The following TAFA4 variants were observed in gnomAD, a reference collection of about 807,000 sequenced individuals.
TAFA4 encodes chemokine-like protein TAFA-4.
In TAFA4, 20 loss-of-function variants were observed where a neutral mutation model predicts 21.1. The ratio of observed to expected loss-of-function variants is 0.95; its 90% CI spans 0.67 to 1.38. The LOEUF (loss-of-function observed/expected upper bound fraction) is 1.38. Among genes scored for constraint, TAFA4 ranks in the 40% most tolerant of loss-of-function variants. The pLI is 0.00. For missense variants in TAFA4, 211 were observed against 180.9 expected (o/e 1.17, Z -0.95); for synonymous variants, 71 against 67.4 (o/e 1.05, Z -0.26).
chr3:68,829,856 A>G (rs372897540), intron 3 of TAFA4, among the ~76,000 whole-genome samples: 5 of 152,224 alleles, frequency 3.3e-5, no homozygotes, highest in African/African-American at 1.2e-4. Flanking sequence ...TTATTGCCTC[A>G]ATTTCAGAGC....
At chr3:68,815,007 C>T (rs1271333427) in intron 3 of TAFA4, among the ~76,000 whole-genome samples, 1 of 152,090 alleles carries the variant, frequency 6.6e-6, no homozygotes, top group Non-Finnish European at 1.5e-5. Context: ...AAAAATAATG[C>T]CACATATCTA....
intron 3 of TAFA4, among the ~76,000 whole-genome samples, chr3:68,807,107 C>T (rs1450307914): frequency 6.6e-6 from 1 of 152,170 alleles, no homozygotes; most frequent in Non-Finnish European, 1.5e-5. Context: ...TGCAATCCTG[C>T]CCCTTGTTTG....
At chr3:68,787,281 C>A (rs1030212153) in intron 3 of TAFA4, among the ~76,000 whole-genome samples, 3 of 152,066 alleles carry the variant, frequency 2.0e-5, no homozygotes, top group Non-Finnish European at 4.4e-5. Context: ...ACAAACTAAC[C>A]CCCTACACTC....
chr3:68,929,552 C>A (rs1300584182), intron 1 of TAFA4, among the ~76,000 whole-genome samples: 2 of 152,212 alleles, frequency 1.3e-5, no homozygotes, highest in Non-Finnish European at 2.9e-5. Flanking sequence ...CTCAAATTAG[C>A]CCATCACCTA....
rs556123708 is a variant in TAFA4 at position 68,812,836 on chromosome 3, C to T, written c.131-59818G>A. ...TGCACCAAGCAGACCTAATAGACGT[C>T]TACAGAACTCTCCACCCCAAATCAA... On this transcript the variant is annotated intron_variant, in intron 3 of 5. Coordinates refer to ENST00000295569, the MANE Select transcript of TAFA4 (RefSeq NM_182522.5). Among the ~76,000 whole-genome samples, 667 of 152,310 alleles carry T rather than the reference C, an allele frequency of 4.4e-3. 4 individuals are homozygous for T. Among genetic ancestry groups the T allele is most frequent in the Middle Eastern group, 0.014 (4 of 294 alleles).
intron 3 of TAFA4, among the ~76,000 whole-genome samples, chr3:68,762,905 G>A (rs1393259200): frequency 6.6e-6 from 1 of 152,232 alleles, no homozygotes; most frequent in African/African-American, 2.4e-5. Flanking sequence ...GGGTGTGGTG[G>A]CACATGCCTG....
chr3:68,785,303 C>T (rs1287235009), intron 3 of TAFA4, among the ~76,000 whole-genome samples: 1 of 152,248 alleles, frequency 6.6e-6, no homozygotes, highest in Non-Finnish European at 1.5e-5. Context: ...AGTCCCGCAC[C>T]ATGCGCCCAC....
chr3:68,800,556 T>C (rs1205659198), intron 3 of TAFA4, among the ~76,000 whole-genome samples: 1 of 152,182 alleles, frequency 6.6e-6, no homozygotes, highest in Non-Finnish European at 1.5e-5. Context: ...ATTTTGCTTA[T>C]GAAGGAAACT....
intron 3 of TAFA4, among the ~76,000 whole-genome samples, chr3:68,831,286 T>A (rs779585412): frequency 6.6e-6 from 1 of 151,074 alleles, no homozygotes; most frequent in Admixed American, 6.6e-5. Context: ...ACAGTGTCGA[T>A]GGTCTTTACT....
chr3:68,882,896 T>C (rs2089633687), intron 2 of TAFA4: 1 of 152,248 alleles, frequency 6.6e-6, no homozygotes, highest in Non-Finnish European at 1.5e-5. Context: ...AGAGGCTCCA[T>C]GTTTCTGTGT....
rs1703731777 is a variant in TAFA4, at chr3:68,807,608, A to G, written c.131-54590T>C. On this transcript the variant is annotated intron_variant, in intron 3 of 5. Transcript: ENST00000295569. ...CATAGGCAAAAACACACTTGTAATT[A>G]TAAGAGCTTAGATCCTGACTTGACT... is the stretch of plus-strand genomic sequence containing the variant. 3.3e-5 allele frequency among the ~76,000 whole-genome samples: 5 copies of G among 152,218 alleles called. No individual in the cohort carries two copies. In the South Asian group the frequency reaches 1.0e-3, roughly 31 times the overall value.
intron 3 of TAFA4, among the ~76,000 whole-genome samples, chr3:68,778,239 A>G (rs1021953981): frequency 3.3e-5 from 5 of 152,206 alleles, no homozygotes; most frequent in African/African-American, 1.2e-4. Context: ...GTAACTTTGA[A>G]TGGCTACATT....
At chr3:68,807,762 T>G (rs1396448203) in intron 3 of TAFA4, among the ~76,000 whole-genome samples, 1 of 152,226 alleles carries the variant, frequency 6.6e-6, no homozygotes, top group Non-Finnish European at 1.5e-5. Flanking sequence ...CACCATTTCA[T>G]GTAGCTGCAT....
intron 3 of TAFA4, among the ~76,000 whole-genome samples, chr3:68,845,327 C>T (rs1343785420): frequency 6.6e-6 from 1 of 152,024 alleles, no homozygotes; most frequent in African/African-American, 2.4e-5. Context: ...ACTAGTATTG[C>T]AACCCCTACT....
chr3:68,887,423 A>C (rs1184097005), intron 1 of TAFA4, among the ~76,000 whole-genome samples: 1 of 151,884 alleles, frequency 6.6e-6, no homozygotes. Flanking sequence ...CCCAGGCTGG[A>C]GTTGTACACC....
intron 3 of TAFA4, among the ~76,000 whole-genome samples, chr3:68,841,759 A>G (rs1704671857): frequency 6.6e-6 from 1 of 150,630 alleles, no homozygotes; most frequent in South Asian, 2.1e-4. Flanking sequence ...GTGTGTTCTC[A>G]TTGTTCAACT....
intron 3 of TAFA4, among the ~76,000 whole-genome samples, chr3:68,799,515 C>G (rs1438263245): frequency 6.6e-6 from 1 of 152,146 alleles, no homozygotes; most frequent in Non-Finnish European, 1.5e-5. Flanking sequence ...GACCATAGCA[C>G]CTGGTAAAAG....
intron 3 of TAFA4, among the ~76,000 whole-genome samples, chr3:68,830,985 G>T (rs1704372732): frequency 6.6e-6 from 1 of 152,114 alleles, no homozygotes; most frequent in African/African-American, 2.4e-5. Context: ...TTTATAGTCT[G>T]TTTTATCAGA....
chr3:68,855,072 G>C (rs1253677038), intron 3 of TAFA4, among the ~76,000 whole-genome samples: 1 of 152,114 alleles, frequency 6.6e-6, no homozygotes, highest in African/African-American at 2.4e-5. Context: ...AGTAACAAAT[G>C]ACTGTATGAA....
Sources: allele counts gnomAD v4.1 joint callset (sites outside exome capture counted in the v4.1 genomes callset), GRCh38; gene constraint gnomAD v4.1.1; transcripts MANE v1.5; gene names NCBI Gene and HGNC (gene_info 2026-07-23, HGNC 2026-07-21).